MLIP: variants seen among roughly 807,000 people sequenced by gnomAD.
MLIP encodes the protein muscular LMNA-interacting protein.
In MLIP, 79 loss-of-function variants were observed where a neutral mutation model predicts 84.8. That is an observed-to-expected ratio of 0.93 (90% CI 0.78 to 1.12). The LOEUF is 1.12. MLIP is among the 50% of genes most tolerant of loss of function. The pLI is 0.00. For synonymous variants in MLIP, 504 were observed against 463.0 expected (o/e 1.09, Z -1.14); for missense variants, 1,257 against 1,160.6 (o/e 1.08, Z -1.21).
intron 10 of MLIP, among the ~76,000 whole-genome samples, chr6:54,192,465 A>G (rs1280855): frequency 6.6e-6 from 1 of 151,990 alleles, no homozygotes; most frequent in Admixed American, 6.5e-5. Flanking sequence ...TCACTAAGGA[A>G]TTAGAATATT....
At chr6:54,028,246 TC>T (rs1451624366) in intron 1 of MLIP, among the ~76,000 whole-genome samples, 20 of 152,210 alleles carry the variant, frequency 1.3e-4, no homozygotes, top group Admixed American at 5.9e-4. Context: ...ATGGGTATTT[TC>T]TTGCATGGGT....
At chr6:54,255,540 A>T (rs2150889362) in intron 12 of MLIP, among the ~76,000 whole-genome samples, 1 of 152,344 alleles carries the variant, frequency 6.6e-6, no homozygotes, top group Non-Finnish European at 1.5e-5. Context: ...AGAAGAAAGC[A>T]TGCCAAAGCT....
At chr6:54,069,089 C>G (rs1338528064) in intron 1 of MLIP, among the ~76,000 whole-genome samples, 1 of 101,454 alleles carries the variant, frequency 9.9e-6, no homozygotes, top group African/African-American at 2.5e-5. Flanking sequence ...GGGGATGCAT[C>G]CGCAGGTCAC....
intron 5 of MLIP, among the ~76,000 whole-genome samples, chr6:54,151,361 TA>T (rs1180289273): frequency 6.6e-6 from 1 of 152,148 alleles, no homozygotes; most frequent in Non-Finnish European, 1.5e-5. Context: ...GTTATAGTTT[TA>T]AAAAATAAAT....
intron 1 of MLIP, among the ~76,000 whole-genome samples, chr6:54,087,482 A>C (rs974317755): frequency 6.6e-6 from 1 of 152,208 alleles, no homozygotes; most frequent in Non-Finnish European, 1.5e-5. Context: ...AAACATAAAA[A>C]AACCCACAGA....
chr6:54,074,870 G>A (rs1766701787), intron 1 of MLIP, among the ~76,000 whole-genome samples: 1 of 152,124 alleles, frequency 6.6e-6, no homozygotes, highest in Non-Finnish European at 1.5e-5. Context: ...TCAATAAAAG[G>A]AAGTGATAGG....
intron 1 of MLIP, among the ~76,000 whole-genome samples, chr6:54,064,544 G>T (rs73741423): frequency 0.049 from 4,920 of 99,688 alleles, 820 homozygotes; most frequent in African/African-American, 0.12. Context: ...TGGGAATCAA[G>T]GTCAGCTTGC....
intron 1 of MLIP, among the ~76,000 whole-genome samples, chr6:54,037,134 T>G (rs1006029173): frequency 5.9e-5 from 9 of 152,022 alleles, no homozygotes; most frequent in African/African-American, 2.2e-4. Flanking sequence ...GTATTGCTTT[T>G]TTACATGTCG....
chr6:54,120,545 T>A (rs1213278390), intron 1 of MLIP, among the ~76,000 whole-genome samples: 1 of 152,234 alleles, frequency 6.6e-6, no homozygotes, highest in Non-Finnish European at 1.5e-5. Flanking sequence ...GGCTGGTTTG[T>A]GACTTTTAAA....
chr6:54,147,557 G>A (rs909263083), intron 4 of MLIP, among the ~76,000 whole-genome samples: 10 of 152,114 alleles, frequency 6.6e-5, no homozygotes, highest in South Asian at 2.1e-4. Flanking sequence ...AGAAAGCGAC[G>A]TAGCTTCTTC....
At chr6:54,023,575 A>T (rs992790465) in intron 1 of MLIP, among the ~76,000 whole-genome samples, 10 of 152,014 alleles carry the variant, frequency 6.6e-5, no homozygotes, top group African/African-American at 2.2e-4. Flanking sequence ...TTAATTAATT[A>T]ATTTATTTTT....
intron 1 of MLIP, among the ~76,000 whole-genome samples, chr6:54,105,957 G>A (rs1005065681): frequency 3.3e-5 from 5 of 152,200 alleles, no homozygotes; most frequent in Admixed American, 6.5e-5. Context: ...TTTGCCTAGA[G>A]AAGTAACATG....
chr6:54,114,061 C>T (rs189522379), intron 1 of MLIP, among the ~76,000 whole-genome samples: 3 of 152,310 alleles, frequency 2.0e-5, no homozygotes, highest in Admixed American at 6.5e-5. Flanking sequence ...CTGGTCAGCC[C>T]TCTTTCTGAC....
rs927879429 is a variant in MLIP at position 54,181,187 on chromosome 6, A to G, written c.2545-8683A>G. Among the ~76,000 whole-genome samples the G allele has an allele frequency of 8.8e-4, 134 of 152,024 alleles. 2 individuals are homozygous for G. Among genetic ancestry groups the G allele is most frequent in the Non-Finnish European group, 3.8e-4 (26 of 67,990 alleles). Reference sequence around the variant, plus strand: ...ACCTTAGAAATTTAACTGATGTTCTATTTCTCTGAAGCTAAGCTAGCACTC... The same window carrying G: ...ACCTTAGAAATTTAACTGATGTTCTGTTTCTCTGAAGCTAAGCTAGCACTC... On this transcript the variant is annotated intron_variant, in intron 9 of 13. Transcript: ENST00000502396.
intron 13 of MLIP, among the ~76,000 whole-genome samples, chr6:54,260,429 C>A (rs968920881): frequency 1.7e-4 from 26 of 151,952 alleles, no homozygotes; most frequent in African/African-American, 6.3e-4. Context: ...ATTAATAAAT[C>A]AAGAAACTTT....
intron 11 of MLIP, among the ~76,000 whole-genome samples, chr6:54,208,239 A>C (rs1779179565): frequency 1.3e-5 from 2 of 152,360 alleles, no homozygotes; most frequent in South Asian, 4.1e-4. Context: ...ATGTAAAAAT[A>C]ATTTTAAATA....
chr6:54,036,241 GTTTT>G (rs10558454), intron 1 of MLIP, among the ~76,000 whole-genome samples: 4,255 of 141,664 alleles, frequency 0.03, 185 homozygotes, highest in African/African-American at 0.1. Flanking sequence ...AGTCACCACT[GTTTT>G]TTTTTTTTTT....
chr6:54,226,318 G>A (rs892706398), intron 11 of MLIP, among the ~76,000 whole-genome samples: 5 of 152,128 alleles, frequency 3.3e-5, no homozygotes, highest in Non-Finnish European at 5.9e-5. Context: ...GGTTAATGCC[G>A]ACCCGCACTG....
intron 9 of MLIP, among the ~76,000 whole-genome samples, chr6:54,183,368 T>C (rs1777075975): frequency 6.6e-6 from 1 of 152,180 alleles, no homozygotes; most frequent in African/African-American, 2.4e-5. Flanking sequence ...CATTTTATAT[T>C]TGTTCAGAAA....
Sources: gnomAD v4.1 joint callset for allele counts (sites outside exome capture counted in the v4.1 genomes callset) on GRCh38, gnomAD v4.1.1 for gene constraint, MANE v1.5 for transcripts, NCBI Gene and HGNC (gene_info 2026-07-23, HGNC 2026-07-21) for gene names.